Variants in ERICH3 observed in about 807,000 individuals in gnomAD.
ERICH3 encodes the protein glutamate rich 3.
A neutral mutation model predicts 131.1 loss-of-function variants in ERICH3; 126 were observed. The observed-to-expected ratio is 0.96, with a 90% CI of 0.83 to 1.11. ERICH3 has a LOEUF of 1.11. Ranked by LOEUF, ERICH3 falls within the 50% of genes most tolerant of loss-of-function variation. The pLI is 0.00. For synonymous variants in ERICH3, 695 were observed against 644.6 expected (o/e 1.08, Z -1.18); for missense variants, 2,050 against 1,810.7 (o/e 1.13, Z -2.40).
chr1:74,595,487 A>G (rs941397994), intron 11 of ERICH3, among the ~76,000 whole-genome samples: 1 of 152,094 alleles, frequency 6.6e-6, no homozygotes, highest in African/African-American at 2.4e-5. Flanking sequence ...ATATAGCAGG[A>G]GGAGAATAAA....
chr1:74,584,417 C>A (rs1386798768), intron 12 of ERICH3, among the ~76,000 whole-genome samples: 2 of 152,140 alleles, frequency 1.3e-5, no homozygotes, highest in East Asian at 1.9e-4. Flanking sequence ...TACTACTCTA[C>A]TTGTTTACTA....
intron 4 of ERICH3, among the ~76,000 whole-genome samples, chr1:74,642,432 A>C (rs981706070): frequency 6.6e-6 from 1 of 152,122 alleles, no homozygotes; most frequent in African/African-American, 2.4e-5. Flanking sequence ...TGCCAACCTA[A>C]ATGGAAATCT....
chr1:74,596,787 A>T (rs558598183), intron 11 of ERICH3, among the ~76,000 whole-genome samples: 51 of 152,186 alleles, frequency 3.4e-4, no homozygotes, highest in African/African-American at 1.1e-3. Flanking sequence ...TTCTTTTTAA[A>T]TGATAGGAAG....
chr1:74,598,334 T>C (rs1647954110), intron 11 of ERICH3, among the ~76,000 whole-genome samples: 1 of 151,908 alleles, frequency 6.6e-6, no homozygotes, highest in Non-Finnish European at 1.5e-5. Context: ...AGGGATTAAG[T>C]ATCTGAATTA....
intron 10 of ERICH3, among the ~76,000 whole-genome samples, chr1:74,600,794 T>C (rs993579240): frequency 2.0e-5 from 3 of 151,876 alleles, no homozygotes; most frequent in Non-Finnish European, 4.4e-5. Flanking sequence ...AAGGATCTCA[T>C]GCAGAACCAA....
At chr1:74,663,893 G>A (rs114555633) in intron 1 of ERICH3, among the ~76,000 whole-genome samples, 1 of 152,002 alleles carries the variant, frequency 6.6e-6, no homozygotes, top group Non-Finnish European at 1.5e-5. Flanking sequence ...TATTCCTAAG[G>A]TCACTAAAGT....
chr1:74,618,966 A>G (rs965342770), intron 8 of ERICH3, among the ~76,000 whole-genome samples: 1 of 152,216 alleles, frequency 6.6e-6, no homozygotes, highest in Non-Finnish European at 1.5e-5. Context: ...TTTTCAGTCC[A>G]GCTAAATTGC....
At chr1:74,616,529 C>T (rs1557685154) in intron 8 of ERICH3, among the ~76,000 whole-genome samples, 1 of 152,094 alleles carries the variant, frequency 6.6e-6, no homozygotes, top group African/African-American at 2.4e-5. Context: ...AGAAGAAACA[C>T]AAGAGAACCT....
Position 74,644,170 on chromosome 1 carries a change from C to G in ERICH3, c.244-1072G>C, listed in dbSNP as rs977077953. 2.0e-5 allele frequency among the ~76,000 whole-genome samples: 3 copies of G among 151,910 alleles called. No homozygotes were observed. The South Asian group carries it at 6.2e-4, about 32-fold the overall frequency. ...GGTTCCCTCCTGCTGCCTTAGGAACCCTGCAGACTCAATAATTCCCTATCA... is the reference window on the plus strand; with the variant it reads ...GGTTCCCTCCTGCTGCCTTAGGAACGCTGCAGACTCAATAATTCCCTATCA... On this transcript the variant is annotated intron_variant, in intron 3 of 14. Coordinates refer to ENST00000326665, the MANE Select transcript of ERICH3 (RefSeq NM_001002912.5).
chr1:74,669,371 A>G (rs1263970993), intron 1 of ERICH3, among the ~76,000 whole-genome samples: 4 of 152,138 alleles, frequency 2.6e-5, no homozygotes, highest in African/African-American at 9.7e-5. Context: ...AAATTTACAG[A>G]TGAGTGCAAC....
rs554257812 is a variant in ERICH3 at position 74,659,784 on chromosome 1, C to G, written c.24-10469G>C. Among the ~76,000 whole-genome samples, 45 of 152,236 alleles carry G rather than the reference C, an allele frequency of 3.0e-4. No individual in the cohort carries two copies. The East Asian group carries it at 7.9e-3, about 27-fold the overall frequency. On this transcript the variant is annotated intron_variant, in intron 1 of 14. Coordinates refer to ENST00000326665, the MANE Select transcript of ERICH3 (RefSeq NM_001002912.5). ...AAGGGTATCCAAGAAGAACTGAAAT[C>G]TGAACTGGGTCCTAAATGACAAGTC...
rs1473872485 is a variant in ERICH3 at position 74,612,720 on chromosome 1, A to G, written c.1090T>C (p.Ser364Pro). ...LNGMQVNRLSSCCEYKHRKGS... is the reference protein window; with the variant it reads ...LNGMQVNRLSPCCEYKHRKGS... ...TTCCGATGCTTGTATTCACAACAGG[A>G]GCTTAACCTGTTCACCTGCATCCCA... is the stretch of plus-strand genomic sequence containing the variant. Residue 364 changes from serine (S) to proline (P), a missense_variant, in exon 9 of 15, where the codon TCC becomes CCC. By Grantham distance (74) the Ser-to-Pro change is moderately conservative. Transcript: ENST00000326665. 1 of 1,607,646 alleles carries G rather than the reference A, an allele frequency of 6.2e-7. No individual in the cohort carries two copies. Among genetic ancestry groups the G allele is most frequent in the Admixed American group, 1.7e-5 (1 of 59,978 alleles).
At chr1:74,650,183 A>G (rs1646520677) in intron 1 of ERICH3, among the ~76,000 whole-genome samples, 1 of 152,184 alleles carries the variant, frequency 6.6e-6, no homozygotes, top group South Asian at 2.1e-4. Flanking sequence ...ATATATCTAG[A>G]CATTTGCATT....
rs1648686338 is a variant in ERICH3 at position 74,611,356 on chromosome 1, C to A, written c.1187+1267G>T. On this transcript the variant is annotated intron_variant, in intron 9 of 14. Coordinates refer to ENST00000326665, the MANE Select transcript of ERICH3 (RefSeq NM_001002912.5). ...ATCTCATTCCCTGCATCCAATTCAT[C>A]AGTAAATTCTGTAAGCTCTACCTTT... Among the ~76,000 whole-genome samples, 5 of 152,150 alleles carry A rather than the reference C, an allele frequency of 3.3e-5. No individual in the cohort carries two copies. In the South Asian group the frequency reaches 1.0e-3, roughly 31 times the overall value.
In ERICH3 at chr1:74,646,769, A is replaced by G; in HGVS notation, c.141T>C (p.Leu47=). Residue 47 remains leucine, a synonymous_variant, in exon 3 of 15, where the codon CTT becomes CTC. Coordinates refer to ENST00000326665, the MANE Select transcript of ERICH3 (RefSeq NM_001002912.5). The stretch of plus-strand genomic sequence containing the variant: ...TATTTAGTTTATATTCTTTTTCAGA[A>G]AGTATTCTTCCACTTCTTGTGATCT... The part of the protein sequence containing the change: ...SGLITRSGRI[L]SEKEYKLNMM... 1.3e-6 allele frequency: 2 copies of G among 1,490,742 alleles called. No homozygotes were observed. The highest frequency in any genetic ancestry group is 1.8e-6 in the Non-Finnish European group (2 of 1,096,180). The allele number at this position is 1,490,742 out of a possible 1,614,324, so 92.3% of individuals were successfully genotyped here.
chr1:74,610,587 A>G (rs1648643125), intron 9 of ERICH3, among the ~76,000 whole-genome samples: 1 of 151,804 alleles, frequency 6.6e-6, no homozygotes, highest in African/African-American at 2.4e-5. Flanking sequence ...GTATTAGCAT[A>G]TAAACATATT....
rs1477781738 is a variant in ERICH3, at chr1:74,641,463, G to T, written c.316-4C>A. ...CAGACCTTCTTGTGTGCTCTCCCTA[G>T]AATAAGAAAGCAATTTAGCAAATAG... On this transcript the variant is annotated splice_region_variant and splice_polypyrimidine_tract_variant and intron_variant, in intron 4 of 14. Transcript: ENST00000326665. 6.2e-7 allele frequency: 1 copy of T among 1,609,508 alleles called. No homozygotes were observed. Among genetic ancestry groups the T allele is most frequent in the Non-Finnish European group, 8.5e-7 (1 of 1,178,310 alleles).
chr1:74,582,966 TTC>T (rs1309682493), intron 12 of ERICH3, among the ~76,000 whole-genome samples: 1 of 152,158 alleles, frequency 6.6e-6, no homozygotes, highest in Admixed American at 6.6e-5. Flanking sequence ...GTTTCTTTCT[TTC>T]TCTTTTCTCC....
intron 1 of ERICH3, among the ~76,000 whole-genome samples, chr1:74,664,969 C>A (rs981324422): frequency 6.6e-6 from 1 of 152,128 alleles, no homozygotes; most frequent in Non-Finnish European, 1.5e-5. Context: ...TCTCCATTCT[C>A]CATGTTATAG....
Sources: gnomAD v4.1 joint callset for allele counts (sites outside exome capture counted in the v4.1 genomes callset) on GRCh38, gnomAD v4.1.1 for gene constraint, MANE v1.5 for transcripts, NCBI Gene and HGNC (gene_info 2026-07-23, HGNC 2026-07-21) for gene names.